Variants in STON2 observed in about 807,000 individuals in gnomAD.
STON2 encodes stonin-2.
STON2 carries 29 observed loss-of-function variants against 65.7 expected under a neutral mutation model. The observed-to-expected ratio is 0.44, with a 90% confidence interval of 0.33 to 0.60. STON2 has a LOEUF of 0.60. Ranked by LOEUF, STON2 falls within the 20% of genes least tolerant of loss-of-function variation. The pLI is 0.03. For synonymous variants in STON2, 404 were observed against 414.2 expected (o/e 0.98, Z 0.30); for missense variants, 1,054 against 1,118.1 (o/e 0.94, Z 0.82).
Position 81,263,470 on chromosome 14 carries a change from G to A in STON2, c.*4944C>T, listed in dbSNP as rs764660832. The stretch of plus-strand genomic sequence containing the variant: ...GGAGAATCACTTGAACCCGGGAGGC[G>A]GAGGTTGCAGTGAGCCGATGTCGTG... On this transcript the variant is annotated 3_prime_UTR_variant, in exon 8 of 8. Coordinates refer to ENST00000614646, the MANE Select transcript of STON2 (RefSeq NM_001394390.1). Among the ~76,000 whole-genome samples the A allele has an allele frequency of 5.3e-5, 8 of 150,014 alleles. No homozygotes were observed. The highest frequency in any genetic ancestry group is 1.5e-4 in the African/African-American group (6 of 40,734).
At chr14:81,361,808 TAA>T (rs769055403) in intron 4 of STON2, among the ~76,000 whole-genome samples, 1 of 151,794 alleles carries the variant, frequency 6.6e-6, no homozygotes. Context: ...AGAAAACAAA[TAA>T]TTGGATTTAA....
intron 2 of STON2, among the ~76,000 whole-genome samples, chr14:81,406,477 C>T (rs1311555858): frequency 1.3e-5 from 2 of 152,110 alleles, no homozygotes; most frequent in Non-Finnish European, 2.9e-5. Flanking sequence ...TCTATGGCTG[C>T]TTTTGGTCTA....
chr14:81,335,038 TGTG>T (rs990423119), intron 4 of STON2, among the ~76,000 whole-genome samples: 11 of 151,350 alleles, frequency 7.3e-5, no homozygotes, highest in African/African-American at 2.2e-4. Context: ...TGTGTGTGTG[TGTG>T]TGTGTGTATA....
In STON2 at chr14:81,334,767, T is replaced by G. The variant is rs74066410; in HGVS notation, c.572-10580A>C. On this transcript the variant is annotated intron_variant, in intron 4 of 7. Transcript: ENST00000614646. The stretch of plus-strand genomic sequence containing the variant: ...AAAGAGCAAGACAGGGAAAGAGAAA[T>G]GTCCTATCGTAGTCTGGTGAGCTAT... Among the ~76,000 whole-genome samples the G allele has an allele frequency of 4.2e-3, 638 of 152,182 alleles. 1 individual carries two copies. Among genetic ancestry groups the G allele is most frequent in the African/African-American group, 0.014 (572 of 41,536 alleles).
chr14:81,414,931 T>C (rs951046959), intron 2 of STON2, among the ~76,000 whole-genome samples: 30 of 152,244 alleles, frequency 2.0e-4, no homozygotes, highest in African/African-American at 7.2e-4. Context: ...GAGTGTTATT[T>C]AAAAGGTAAG....
At chr14:81,389,116 A>G (rs1899958954) in intron 3 of STON2, among the ~76,000 whole-genome samples, 1 of 152,268 alleles carries the variant, frequency 6.6e-6, no homozygotes, top group Admixed American at 6.5e-5. Flanking sequence ...GGCTCTTAAT[A>G]GAAGTAAATG....
intron 4 of STON2, among the ~76,000 whole-genome samples, chr14:81,365,692 G>A (rs1284570664): frequency 6.6e-6 from 1 of 152,050 alleles, no homozygotes; most frequent in Non-Finnish European, 1.5e-5. Context: ...GAAGGTGGAG[G>A]TTGCAGTGAG....
At chr14:81,403,692 T>C (rs1042001584), upstream of STON2, among the ~76,000 whole-genome samples, 2 of 152,158 alleles carry the variant, frequency 1.3e-5, no homozygotes, top group African/African-American at 4.8e-5. Flanking sequence ...CTCCTACCTA[T>C]TTTCCAAGCC....
At chr14:81,403,531 T>C (rs931658668), upstream of STON2, among the ~76,000 whole-genome samples, 3 of 152,182 alleles carry the variant, frequency 2.0e-5, no homozygotes, top group Non-Finnish European at 4.4e-5. Flanking sequence ...GGGCCTTGAA[T>C]ACATGCAAGA....
intron 7 of STON2, 53 bp from the exon 8 acceptor site, chr14:81,268,550 CAAAT>C (rs547037534): frequency 7.2e-5 from 93 of 1,286,036 alleles, no homozygotes; most frequent in Non-Finnish European, 8.3e-5. Flanking sequence ...AAAAAGCATG[CAAAT>C]AAATAAGTAA....
intron 4 of STON2, among the ~76,000 whole-genome samples, chr14:81,325,860 G>A (rs933251046): frequency 6.6e-6 from 1 of 151,932 alleles, no homozygotes; most frequent in Non-Finnish European, 1.5e-5. Flanking sequence ...GACTGAGAAG[G>A]GATAAAGAAG....
chr14:81,296,819 T>G (rs1461596110), intron 5 of STON2, among the ~76,000 whole-genome samples: 2 of 152,302 alleles, frequency 1.3e-5, no homozygotes, highest in African/African-American at 4.8e-5. Flanking sequence ...TTGATAAATG[T>G]TGATGGCAAA....
At chr14:81,410,845 A>C (rs1901120855) in intron 2 of STON2, among the ~76,000 whole-genome samples, 1 of 152,252 alleles carries the variant, frequency 6.6e-6, no homozygotes, top group Admixed American at 6.5e-5. Flanking sequence ...GAGTCTAGGC[A>C]AAGCCTTCTT....
At chr14:81,272,019 C>A (rs962286125) in intron 6 of STON2, among the ~76,000 whole-genome samples, 3 of 152,058 alleles carry the variant, frequency 2.0e-5, no homozygotes, top group African/African-American at 7.2e-5. Context: ...GTCAGGAGAT[C>A]GAGACCATCC....
chr14:81,357,847 G>A (rs1212566265), intron 4 of STON2, among the ~76,000 whole-genome samples: 1 of 141,658 alleles, frequency 7.1e-6, no homozygotes, highest in Non-Finnish European at 1.5e-5. Flanking sequence ...ATGAGAACAC[G>A]TGGACACAGG....
At chr14:81,292,533 T>C (rs1325258279) in intron 5 of STON2, among the ~76,000 whole-genome samples, 1 of 152,200 alleles carries the variant, frequency 6.6e-6, no homozygotes, top group Non-Finnish European at 1.5e-5. Flanking sequence ...TGAGGTCTGA[T>C]GGTTTTATAA....
chr14:81,414,767 T>C (rs559314285), intron 2 of STON2, among the ~76,000 whole-genome samples: 1 of 152,290 alleles, frequency 6.6e-6, no homozygotes, highest in African/African-American at 2.4e-5. Flanking sequence ...CCGCAGCCCA[T>C]TTAATATTGA....
chr14:81,339,764 TAAAAC>T (rs1237612537), intron 4 of STON2, among the ~76,000 whole-genome samples: 1 of 152,118 alleles, frequency 6.6e-6, no homozygotes, highest in Admixed American at 6.6e-5. Context: ...TTTTAAAAAA[TAAAAC>T]AAAGCATTAT....
intron 2 of STON2, among the ~76,000 whole-genome samples, chr14:81,398,049 T>C (rs974070066): frequency 8.5e-5 from 13 of 152,132 alleles, no homozygotes; most frequent in African/African-American, 3.1e-4. Flanking sequence ...TTTTGTTTCT[T>C]GGGAGAAAAG....
Sources: gnomAD v4.1 joint callset for allele counts (sites outside exome capture counted in the v4.1 genomes callset) on GRCh38, gnomAD v4.1.1 for gene constraint, MANE v1.5 for transcripts, NCBI Gene and HGNC (gene_info 2026-07-23, HGNC 2026-07-21) for gene names.